The following NCK1 variants were observed in gnomAD, a reference collection of about 807,000 sequenced individuals.
The protein encoded by NCK1 is SH2/SH3 adapter protein NCK1.
In NCK1, 19 loss-of-function variants were observed where a neutral mutation model predicts 36.6. That is an observed-to-expected ratio of 0.52 (90% CI 0.36 to 0.76). The LOEUF is 0.76. Among genes scored for constraint, NCK1 ranks in the 30% least tolerant of loss-of-function variants. The probability of loss-of-function intolerance (pLI) is 0.00; values close to 1 mark genes in which losing one functional copy is unlikely to be tolerated. For missense variants in NCK1, 358 were observed against 445.6 expected, an observed-to-expected ratio of 0.80 and a Z score of 1.77; for synonymous variants, 165 against 156.0, an observed-to-expected ratio of 1.06 and a Z score of -0.43.
rs759090640 is a variant in NCK1, at chr3:136,949,564, A to G, written c.*1111A>G. 5.3e-5 allele frequency: 8 copies of G among 152,012 alleles called. No individual in the cohort carries two copies. Among genetic ancestry groups the G allele is most frequent in the Non-Finnish European group, 7.4e-5 (5 of 67,890 alleles). 9.4% of individuals were successfully genotyped at this position (152,012 alleles called of 1,614,324 possible). ...ATTTGGGTGTATGGATAAGAGGCCA[A>G]TCTGCTTCTGTAGGCTATAGAAGAA... On this transcript the variant is annotated 3_prime_UTR_variant, in exon 4 of 4. Coordinates refer to ENST00000481752, the MANE Select transcript of NCK1 (RefSeq NM_001291999.2).
chr3:136,914,732 G>A (rs1228228709), intron 1 of NCK1, among the ~76,000 whole-genome samples: 1 of 152,188 alleles, frequency 6.6e-6, no homozygotes, highest in Non-Finnish European at 1.5e-5. Context: ...AGAAGATATT[G>A]GGACTTGAAA....
At chr3:136,879,179 G>A (rs1938861263) in intron 1 of NCK1, among the ~76,000 whole-genome samples, 1 of 150,342 alleles carries the variant, frequency 6.7e-6, no homozygotes, top group African/African-American at 2.4e-5. Context: ...TGAAGTTAGA[G>A]TAAAGGAGTT....
intron 1 of NCK1, among the ~76,000 whole-genome samples, chr3:136,872,416 C>T (rs1938651868): frequency 6.6e-6 from 1 of 152,174 alleles, no homozygotes; most frequent in South Asian, 2.1e-4. Context: ...GCAAAGCATT[C>T]AAGAAGTGAC....
At chr3:136,866,948 A>G (rs898569975) in intron 1 of NCK1, among the ~76,000 whole-genome samples, 35 of 151,768 alleles carry the variant, frequency 2.3e-4, no homozygotes, top group African/African-American at 7.3e-4. Flanking sequence ...TTTTTCTCCT[A>G]AATTACCAAG....
chr3:136,920,908 C>A (rs573459128), intron 1 of NCK1, among the ~76,000 whole-genome samples: 4 of 152,094 alleles, frequency 2.6e-5, no homozygotes, highest in Non-Finnish European at 4.4e-5. Flanking sequence ...TTTTAAATTT[C>A]TAAAAAATTG....
chr3:136,949,830 T>A lies in NCK1; in HGVS notation c.*1377T>A, dbSNP rs758778972. ...TACTGATGGTAAAATTGAAGTTGTG[T>A]AACTTGTGAATTTTTTTTATCAATG... is the stretch of plus-strand genomic sequence containing the variant. On this transcript the variant is annotated 3_prime_UTR_variant, in exon 4 of 4. Coordinates refer to ENST00000481752, the MANE Select transcript of NCK1 (RefSeq NM_001291999.2). 1.0e-5 allele frequency: 1 copy of A among 99,202 alleles called. No homozygotes were observed. Among genetic ancestry groups the A allele is most frequent in the Non-Finnish European group, 2.2e-5 (1 of 45,718 alleles). The allele number at this position is 99,202 out of a possible 1,614,324, so 6.1% of individuals were successfully genotyped here. A position where few individuals can be genotyped will look rare whatever the true frequency, so the allele number is the denominator to read the frequency against.
At chr3:136,887,918 GTTTCTTTTCTTTCTTTCTTTC>G (rs1939114522) in intron 1 of NCK1, among the ~76,000 whole-genome samples, 1 of 149,936 alleles carries the variant, frequency 6.7e-6, no homozygotes, top group Non-Finnish European at 1.5e-5. Context: ...CGCCTTTATT[GTTTCTTTTCTTTCTTTCTTTC>G]TTTCTTTTTT....
chr3:136,864,890 T>C (rs1252788692), intron 1 of NCK1, among the ~76,000 whole-genome samples: 1 of 150,250 alleles, frequency 6.7e-6, no homozygotes, highest in Non-Finnish European at 1.5e-5. Flanking sequence ...CCTAAGTAGC[T>C]GGGACTACAG....
intron 1 of NCK1, among the ~76,000 whole-genome samples, chr3:136,903,846 A>G (rs532690566): frequency 6.6e-6 from 1 of 150,894 alleles, no homozygotes; most frequent in African/African-American, 2.4e-5. Context: ...TATATCATCT[A>G]TTCCCTCTGT....
rs1382439853 is a variant in NCK1 at position 136,949,070 on chromosome 3, T to C, written c.*617T>C. The C allele has an allele frequency of 6.6e-6, 1 of 152,464 alleles. No individual in the cohort carries two copies. Among genetic ancestry groups the C allele is most frequent in the Admixed American group, 6.6e-5 (1 of 15,256 alleles). 9.4% of individuals were successfully genotyped at this position (152,464 alleles called of 1,614,324 possible). A position where few individuals can be genotyped will look rare whatever the true frequency, so the allele number is the denominator to read the frequency against. ...CACATGAGACATAGATTAGAAAACA[T>C]GTTGTACAATTTTAATTTACAACTG... On this transcript the variant is annotated 3_prime_UTR_variant, in exon 4 of 4. Transcript: ENST00000481752.
intron 1 of NCK1, among the ~76,000 whole-genome samples, chr3:136,882,482 G>C (rs1938967915): frequency 6.6e-6 from 1 of 151,878 alleles, no homozygotes; most frequent in African/African-American, 2.4e-5. Flanking sequence ...CTGCATTAAT[G>C]ATACAACAAT....
chr3:136,904,701 G>T (rs1359813125), intron 1 of NCK1, among the ~76,000 whole-genome samples: 4 of 152,128 alleles, frequency 2.6e-5, no homozygotes, highest in Non-Finnish European at 5.9e-5. Flanking sequence ...TCTGTTGCTA[G>T]ACTTGGAAAA....
At chr3:136,875,625 C>G (rs1264835849) in intron 1 of NCK1, among the ~76,000 whole-genome samples, 1 of 151,722 alleles carries the variant, frequency 6.6e-6, no homozygotes, top group African/African-American at 2.4e-5. Flanking sequence ...TATATGCACC[C>G]AATACAGGAG....
At chr3:136,876,733 G>A (rs942894587) in intron 1 of NCK1, among the ~76,000 whole-genome samples, 2 of 152,006 alleles carry the variant, frequency 1.3e-5, no homozygotes, top group Non-Finnish European at 2.9e-5. Flanking sequence ...TAGTATGAGA[G>A]TAATACTTAG....
At chr3:136,931,112 GATTA>G (rs1940380537) in intron 2 of NCK1, among the ~76,000 whole-genome samples, 1 of 151,686 alleles carries the variant, frequency 6.6e-6, no homozygotes, top group Non-Finnish European at 1.5e-5. Flanking sequence ...TTGATGTTTT[GATTA>G]ATGTGAGATT....
intron 2 of NCK1, among the ~76,000 whole-genome samples, chr3:136,939,551 C>T (rs974734557): frequency 3.3e-5 from 5 of 151,740 alleles, no homozygotes; most frequent in Non-Finnish European, 7.4e-5. Flanking sequence ...GTTGGTAATT[C>T]GAGATCTTTC....
chr3:136,878,821 G>A lies in NCK1; in HGVS notation c.-19+16468G>A, dbSNP rs188570644. Among the ~76,000 whole-genome samples, 18 of 152,222 alleles carry A rather than the reference G, an allele frequency of 1.2e-4. No individual in the cohort carries two copies. In the East Asian group the frequency reaches 3.3e-3, roughly 28 times the overall value. ...CTGACTATTGTTTCTGACACTGAGG[G>A]TGGGCCCTAGACACAATTGGAGGTC... On this transcript the variant is annotated intron_variant, in intron 1 of 3. Coordinates refer to ENST00000481752, the MANE Select transcript of NCK1 (RefSeq NM_001291999.2).
chr3:136,872,782 T>C (rs1247584266), intron 1 of NCK1, among the ~76,000 whole-genome samples: 1 of 152,204 alleles, frequency 6.6e-6, no homozygotes, highest in East Asian at 1.9e-4. Flanking sequence ...GGGGCCAGCG[T>C]AGAGCTTGGG....
intron 2 of NCK1, among the ~76,000 whole-genome samples, chr3:136,935,335 C>A (rs1940503312): frequency 6.6e-6 from 1 of 151,934 alleles, no homozygotes; most frequent in South Asian, 2.1e-4. Flanking sequence ...TCTGAATTTT[C>A]AAAAATATCA....
Sources: allele counts gnomAD v4.1 joint callset (sites outside exome capture counted in the v4.1 genomes callset), GRCh38; gene constraint gnomAD v4.1.1; transcripts MANE v1.5; gene names NCBI Gene and HGNC (gene_info 2026-07-23, HGNC 2026-07-21).